Variants in UGT2A1 observed in about 807,000 individuals in gnomAD.
UGT2A1 encodes the protein UDP glucuronosyltransferase family 2 member A1 complex locus, also known as UDP-glucuronosyltransferase 2A1.
A neutral mutation model predicts 45.4 loss-of-function variants in UGT2A1; 61 were observed. That is an observed-to-expected ratio of 1.34 (90% CI 1.09 to 1.66). The LOEUF is 1.66. UGT2A1 is among the 40% of genes most tolerant of loss of function. UGT2A1 has a pLI of 0.00. For missense variants in UGT2A1, 649 were observed against 574.3 expected (o/e 1.13, Z -1.33); for synonymous variants, 229 against 196.2 (o/e 1.17, Z -1.40).
At chr4:69,597,537 G>A (rs1719001741) in intron 4 of UGT2A1, among the ~76,000 whole-genome samples, 1 of 152,084 alleles carries the variant, frequency 6.6e-6, no homozygotes, top group African/African-American at 2.4e-5. Context: ...GGATCACACT[G>A]GAATCACTGA....
intron 2 of UGT2A1, among the ~76,000 whole-genome samples, chr4:69,644,809 C>G (rs767161182): frequency 1.3e-5 from 2 of 151,758 alleles, no homozygotes; most frequent in Non-Finnish European, 3.0e-5. Context: ...GGTTTACCAG[C>G]TTTTGATAAT....
chr4:69,612,373 A>G (rs951532395), intron 3 of UGT2A1, among the ~76,000 whole-genome samples: 3 of 152,054 alleles, frequency 2.0e-5, no homozygotes, highest in Admixed American at 6.6e-5. Context: ...AACTACCAAA[A>G]TCATCACATA....
At chr4:69,606,051 G>A (rs1463041356) in intron 3 of UGT2A1, among the ~76,000 whole-genome samples, 6 of 136,770 alleles carry the variant, frequency 4.4e-5, no homozygotes, top group Non-Finnish European at 7.8e-5. Context: ...GAAAAAGAGG[G>A]AATCCTCCTT....
At position 69,647,023 on chromosome 4, in the gene UGT2A1, C is replaced by T; in HGVS notation, c.622G>A (p.Asp208Asn). 1 of 1,612,636 alleles carries T rather than the reference C, an allele frequency of 6.2e-7. No individual in the cohort carries two copies. Among genetic ancestry groups the T allele is most frequent in the Non-Finnish European group, 8.5e-7 (1 of 1,179,170 alleles). Residue 208 changes from aspartate (D) to asparagine (N), a missense_variant, in exon 2 of 7, where the codon GAC (aspartate) becomes AAC (asparagine). Coordinates refer to ENST00000286604, the MANE Select transcript of UGT2A1 (RefSeq NM_001252275.3). Reference protein sequence around the residue: ...SELTDQMSFTDRIRNFISYHL... With the variant: ...SELTDQMSFTNRIRNFISYHL... ...TAGGAGATGAAATTTCTTATTCTGT[C>T]AGTGAAAGACATTTGGTCGGTGAGT...
chr4:69,627,534 A>AAGAAAG (rs1553906767), intron 3 of UGT2A1, among the ~76,000 whole-genome samples: 2 of 139,468 alleles, frequency 1.4e-5, no homozygotes, highest in Non-Finnish European at 3.2e-5. Flanking sequence ...GAAAGAAAGA[A>AAGAAAG]AGAGAGAGAG....
chr4:69,652,282 C>CTTTTTT lies in UGT2A1; in HGVS notation c.-55+900_-55+905dup, dbSNP rs10649712. Reference sequence around the variant, plus strand: ...ATTTTCTTTAGAAAAACTTTATGTCCTTTTTTTTTTTTTTTTTTGAGACCA... The same window carrying CTTTTTT: ...ATTTTCTTTAGAAAAACTTTATGTCCTTTTTTTTTTTTTTTTTTTTTTTTGAGACCA... On this transcript the variant is annotated intron_variant, in intron 1 of 6. Coordinates refer to ENST00000286604, the MANE Select transcript of UGT2A1 (RefSeq NM_001252275.3). Among the ~76,000 whole-genome samples the CTTTTTT allele has an allele frequency of 5.9e-4, 71 of 119,952 alleles. 6 individuals carry two copies. Among genetic ancestry groups the CTTTTTT allele is most frequent in the Admixed American group, 9.2e-4 (10 of 10,872 alleles). The allele number at this position is 119,952 out of a possible 152,430, so 78.7% of individuals were successfully genotyped here.
At chr4:69,596,581 G>A (rs1468846541) in intron 4 of UGT2A1, among the ~76,000 whole-genome samples, 6 of 152,114 alleles carry the variant, frequency 3.9e-5, no homozygotes, top group Admixed American at 3.3e-4. Flanking sequence ...GGAGCGCAGT[G>A]GCATGATCTC....
Position 69,603,419 on chromosome 4 carries a change from A to G in UGT2A1, c.848-4025T>C, listed in dbSNP as rs1457543820. ...TCCTTACCCAAAACCCCATCTCTAC[A>G]TCACCATCATCAAAGACCAAAGGTA... is the stretch of plus-strand genomic sequence containing the variant. On this transcript the variant is annotated intron_variant, in intron 3 of 6. Coordinates refer to ENST00000286604, the MANE Select transcript of UGT2A1 (RefSeq NM_001252275.3). 3.6e-5 allele frequency: 5 copies of G among 137,440 alleles called. 2 individuals carry two copies. Among genetic ancestry groups the G allele is most frequent in the East Asian group, 2.1e-4 (1 of 4,870 alleles). 8.5% of individuals were successfully genotyped at this position (137,440 alleles called of 1,614,324 possible). A position where few individuals can be genotyped will look rare whatever the true frequency, so the allele number is the denominator to read the frequency against.
intron 3 of UGT2A1, among the ~76,000 whole-genome samples, chr4:69,613,903 C>T (rs1028092874): frequency 2.0e-5 from 3 of 151,952 alleles, no homozygotes; most frequent in Admixed American, 6.6e-5. Context: ...AGCCTTTCTT[C>T]TAAGATCTGG....
chr4:69,621,136 A>G (rs1560483358), intron 3 of UGT2A1, among the ~76,000 whole-genome samples: 1 of 152,032 alleles, frequency 6.6e-6, no homozygotes, highest in Non-Finnish European at 1.5e-5. Flanking sequence ...CAACAAAAGC[A>G]AAATTTGACA....
intron 3 of UGT2A1, among the ~76,000 whole-genome samples, chr4:69,608,524 C>G (rs912961003): frequency 1.3e-5 from 2 of 151,362 alleles, no homozygotes; most frequent in African/African-American, 4.9e-5. Context: ...TGTAACTAAC[C>G]TGCACGTTGT....
chr4:69,646,878 C>T (rs1292988917), intron 2 of UGT2A1, 52 bp downstream of exon 2: 1 of 1,309,816 alleles, frequency 7.6e-7, no homozygotes, highest in Non-Finnish European at 1.0e-6. Context: ...AGAGGCTCTA[C>T]AAAGGTCTGT....
chr4:69,599,391 C>T lies in UGT2A1; in HGVS notation c.851G>A (p.Arg284Lys), dbSNP rs745868495. Residue 284 changes from arginine to lysine, a missense_variant, in exon 4 of 7, where the codon AGA (arginine) becomes AAA (lysine). Transcript: ENST00000286604. ...CATAGTCTCACATAACGTAGTGGGT[C>T]TTCCTGGAGAAAATGTAACAAGTTG... ...CSWDYRLPAG[R>K]PTTLCETMGK... 6.2e-7 allele frequency: 1 copy of T among 1,612,170 alleles called. No individual in the cohort carries two copies. Among genetic ancestry groups the T allele is most frequent in the South Asian group, 1.1e-5 (1 of 90,722 alleles).
At chr4:69,630,985 G>A (rs1721348926) in intron 3 of UGT2A1, among the ~76,000 whole-genome samples, 2 of 152,122 alleles carry the variant, frequency 1.3e-5, no homozygotes, top group South Asian at 2.1e-4. Context: ...TAACTTGAAT[G>A]TGATCTCTGT....
intron 4 of UGT2A1, among the ~76,000 whole-genome samples, chr4:69,598,985 C>A (rs1197805643): frequency 6.6e-6 from 1 of 152,082 alleles, no homozygotes; most frequent in African/African-American, 2.4e-5. Context: ...TCTGTCCCAC[C>A]AAGTCCAGTA....
At chr4:69,596,762 T>A (rs553586893) in intron 4 of UGT2A1, among the ~76,000 whole-genome samples, 51 of 152,290 alleles carry the variant, frequency 3.3e-4, no homozygotes, top group African/African-American at 1.2e-3. Context: ...CCTCCAGTGA[T>A]CCACCTGCCT....
intron 6 of UGT2A1, among the ~76,000 whole-genome samples, chr4:69,590,734 G>T (rs566630599): frequency 2.5e-4 from 38 of 151,956 alleles, no homozygotes; most frequent in Non-Finnish European, 2.9e-5. Context: ...TATACTTTAG[G>T]CAATAAATAA....
intron 3 of UGT2A1, among the ~76,000 whole-genome samples, chr4:69,625,064 A>G (rs1204193022): frequency 6.6e-6 from 1 of 151,236 alleles, no homozygotes; most frequent in Non-Finnish European, 1.5e-5. Flanking sequence ...TGCTGGGAAT[A>G]TATGTATTAA....
At chr4:69,595,529 AC>A (rs1478951822) in intron 4 of UGT2A1, among the ~76,000 whole-genome samples, 1 of 152,222 alleles carries the variant, frequency 6.6e-6, no homozygotes, top group African/African-American at 2.4e-5. Flanking sequence ...CGTAAACAGT[AC>A]CAGTTTAATC....
Sources: allele counts gnomAD v4.1 joint callset (sites outside exome capture counted in the v4.1 genomes callset), GRCh38; gene constraint gnomAD v4.1.1; transcripts MANE v1.5; gene names NCBI Gene and HGNC (gene_info 2026-07-23, HGNC 2026-07-21).